PTPRD: variants seen among roughly 807,000 people sequenced by gnomAD.
PTPRD encodes the protein receptor-type tyrosine-protein phosphatase delta.
A neutral mutation model predicts 214.5 loss-of-function variants in PTPRD; 34 were observed. That is an observed-to-expected ratio of 0.16 (90% confidence interval 0.12 to 0.21). The LOEUF is 0.21. PTPRD is among the 10% of genes least tolerant of loss of function. The pLI is 1.00. For synonymous variants in PTPRD, 1,128 were observed against 845.7 expected, an observed-to-expected ratio of 1.33 and a Z score of -5.79; for missense variants, 2,545 against 2,398.7, an observed-to-expected ratio of 1.06 and a Z score of -1.27.
intron 3 of PTPRD, among the ~76,000 whole-genome samples, chr9:10,047,172 G>C (rs1191320045): frequency 1.3e-5 from 2 of 151,862 alleles, no homozygotes; most frequent in African/African-American, 2.4e-5. Flanking sequence ...TACAATGTTT[G>C]AAGACTACAA....
At chr9:8,530,391 C>T (rs1389655204) in intron 14 of PTPRD, among the ~76,000 whole-genome samples, 5 of 152,032 alleles carry the variant, frequency 3.3e-5, no homozygotes, top group African/African-American at 4.8e-5. Flanking sequence ...CTGGGTACTC[C>T]GTGCTTCTAG....
At chr9:9,603,502 G>A (rs2093930415) in intron 7 of PTPRD, among the ~76,000 whole-genome samples, 1 of 152,164 alleles carries the variant, frequency 6.6e-6, no homozygotes, top group Admixed American at 6.6e-5. Context: ...TGGCCTGTCA[G>A]GAACCAGGCG....
intron 9 of PTPRD, among the ~76,000 whole-genome samples, chr9:9,335,306 T>C (rs1454161099): frequency 1.3e-5 from 2 of 152,084 alleles, no homozygotes; most frequent in Non-Finnish European, 2.9e-5. Flanking sequence ...AATTAGACTC[T>C]TTTGGTGAAG....
At chr9:8,815,108 GTT>G (rs58257255) in intron 11 of PTPRD, among the ~76,000 whole-genome samples, 2 of 146,358 alleles carry the variant, frequency 1.4e-5, no homozygotes, top group Admixed American at 1.4e-4. Flanking sequence ...ATATAATTTA[GTT>G]TTTTTTTTTT....
chr9:9,094,254 T>C (rs1272578981), intron 10 of PTPRD, among the ~76,000 whole-genome samples: 10 of 152,072 alleles, frequency 6.6e-5, no homozygotes, highest in African/African-American at 2.4e-4. Flanking sequence ...CAACTCTCAA[T>C]TGCAAAGGTT....
intron 2 of PTPRD, among the ~76,000 whole-genome samples, chr9:10,385,248 T>G (rs2097894650): frequency 1.3e-5 from 2 of 151,784 alleles, no homozygotes; most frequent in Non-Finnish European, 2.9e-5. Flanking sequence ...ATCATACATA[T>G]CCTCATGTTC....
chr9:8,419,497 G>T (rs1461047010), intron 35 of PTPRD, among the ~76,000 whole-genome samples: 1 of 151,896 alleles, frequency 6.6e-6, no homozygotes, highest in Non-Finnish European at 1.5e-5. Context: ...ATAACAATAT[G>T]GGTAAAGTAA....
rs377085651 is a variant in PTPRD, at chr9:8,369,678, T to A, written c.4661+6258A>T. Among the ~76,000 whole-genome samples, 4 of 152,122 alleles carry A rather than the reference T, an allele frequency of 2.6e-5. No individual in the cohort carries two copies. In the East Asian group the frequency reaches 5.8e-4, roughly 22 times the overall value. ...GTTGTGATCTATCCCCTTTTCAATT[T>A]TTTTCATAAATAAATGTTTCTCTTA... is the stretch of plus-strand genomic sequence containing the variant. On this transcript the variant is annotated intron_variant, in intron 39 of 45. Transcript: ENST00000381196.
At chr9:9,440,911 G>C (rs1292628065) in intron 8 of PTPRD, among the ~76,000 whole-genome samples, 1 of 152,174 alleles carries the variant, frequency 6.6e-6, no homozygotes, top group Non-Finnish European at 1.5e-5. Context: ...CCTAGGATCA[G>C]CATTTGAAGG....
intron 2 of PTPRD, among the ~76,000 whole-genome samples, chr9:10,460,747 G>A (rs2098952578): frequency 6.6e-6 from 1 of 152,048 alleles, no homozygotes; most frequent in Non-Finnish European, 1.5e-5. Context: ...ACTCAAAATG[G>A]ATGAGAGACC....
At chr9:9,134,048 T>C (rs1248060707) in intron 10 of PTPRD, among the ~76,000 whole-genome samples, 1 of 147,656 alleles carries the variant, frequency 6.8e-6, no homozygotes, top group Non-Finnish European at 1.5e-5. Flanking sequence ...ATAGTTCATA[T>C]AGAATCATTC....
Position 9,430,281 on chromosome 9 carries a change from A to T in PTPRD, c.-236-32799T>A, listed in dbSNP as rs568083176. 9.3e-4 allele frequency among the ~76,000 whole-genome samples: 142 copies of T among 152,194 alleles called. 1 individual carries two copies. Among genetic ancestry groups the T allele is most frequent in the African/African-American group, 3.2e-3 (134 of 41,500 alleles). On this transcript the variant is annotated intron_variant, in intron 8 of 45. Transcript: ENST00000381196. ...TAACAGACAAACAGAGAGCCAAATC[A>T]TGAGTGAACTCCCATTCACAATTGC...
At chr9:9,174,362 C>G (rs1229970543) in intron 10 of PTPRD, among the ~76,000 whole-genome samples, 1 of 152,134 alleles carries the variant, frequency 6.6e-6, no homozygotes, top group Non-Finnish European at 1.5e-5. Flanking sequence ...ATTTAAGAGA[C>G]AGAAATCATC....
chr9:9,752,942 C>T (rs539388458), intron 6 of PTPRD, among the ~76,000 whole-genome samples: 2 of 152,136 alleles, frequency 1.3e-5, no homozygotes, highest in South Asian at 2.1e-4. Context: ...ACTTTGGCCC[C>T]TTGCATGATT....
intron 2 of PTPRD, among the ~76,000 whole-genome samples, chr9:10,530,874 G>A (rs1235783659): frequency 6.6e-6 from 1 of 151,942 alleles, no homozygotes; most frequent in Non-Finnish European, 1.5e-5. Context: ...AAATGTAGAA[G>A]ATATTAGAAA....
At chr9:8,668,425 C>G (rs1300797969) in intron 12 of PTPRD, among the ~76,000 whole-genome samples, 2 of 152,150 alleles carry the variant, frequency 1.3e-5, no homozygotes, top group African/African-American at 4.8e-5. Context: ...ATATGTTCAC[C>G]ACAGTTTTCC....
intron 7 of PTPRD, among the ~76,000 whole-genome samples, chr9:9,680,238 T>A (rs1299361463): frequency 6.6e-6 from 1 of 151,848 alleles, no homozygotes; most frequent in East Asian, 1.9e-4. Flanking sequence ...TCTTTGGTAA[T>A]CTACAAGAAG....
At chr9:10,028,746 G>C (rs912679743) in intron 4 of PTPRD, among the ~76,000 whole-genome samples, 1 of 152,278 alleles carries the variant, frequency 6.6e-6, no homozygotes, top group African/African-American at 2.4e-5. Flanking sequence ...GGTGACTTGG[G>C]TGCTGTTAAA....
intron 9 of PTPRD, among the ~76,000 whole-genome samples, chr9:9,332,309 C>T (rs1173409574): frequency 1.3e-5 from 2 of 152,020 alleles, no homozygotes; most frequent in South Asian, 2.1e-4. Flanking sequence ...TTTATATTCA[C>T]ATATATACAC....
Sources: gnomAD v4.1 joint callset for allele counts (sites outside exome capture counted in the v4.1 genomes callset) on GRCh38, gnomAD v4.1.1 for gene constraint, MANE v1.5 for transcripts, NCBI Gene and HGNC (gene_info 2026-07-23, HGNC 2026-07-21) for gene names.